The following KCNIP1 variants were observed in gnomAD, a reference collection of about 807,000 sequenced individuals.
KCNIP1 encodes the protein potassium voltage-gated channel interacting protein 1.
KCNIP1 carries 18 observed loss-of-function variants against 33.0 expected under a neutral mutation model. The observed-to-expected ratio is 0.55, with a 90% confidence interval of 0.38 to 0.81. KCNIP1 has a LOEUF of 0.81. KCNIP1 is among the 30% of genes least tolerant of loss of function. The pLI, the probability that KCNIP1 is intolerant of heterozygous loss-of-function variation, is 0.00. For missense variants in KCNIP1, 238 were observed against 271.6 expected, an observed-to-expected ratio of 0.88 and a Z score of 0.87; for synonymous variants, 93 against 98.3, an observed-to-expected ratio of 0.95 and a Z score of 0.32.
chr5:170,632,957 A>G (rs141509162), intron 1 of KCNIP1, among the ~76,000 whole-genome samples: 110 of 149,742 alleles, frequency 7.3e-4, no homozygotes, highest in African/African-American at 2.6e-3. Context: ...TTGGGGCTTG[A>G]GCACGGGTTG....
intron 1 of KCNIP1, among the ~76,000 whole-genome samples, chr5:170,479,839 C>T (rs866968681): frequency 7.9e-5 from 12 of 152,212 alleles, no homozygotes; most frequent in African/African-American, 2.4e-4. Context: ...GAATTTTATA[C>T]ATCTATTAAA....
At chr5:170,708,130 C>G (rs1253802361) in intron 1 of KCNIP1, among the ~76,000 whole-genome samples, 1 of 152,176 alleles carries the variant, frequency 6.6e-6, no homozygotes, top group Non-Finnish European at 1.5e-5. Flanking sequence ...AGACTTAAAG[C>G]TGAAGGACCA....
At chr5:170,431,851 CTCCA>C (rs1201945288) in intron 1 of KCNIP1, among the ~76,000 whole-genome samples, 1 of 152,222 alleles carries the variant, frequency 6.6e-6, no homozygotes, top group East Asian at 1.9e-4. Flanking sequence ...GGCCTTTTCC[CTCCA>C]GACTTCCTTC....
chr5:170,555,316 G>A (rs1023240980), intron 1 of KCNIP1, among the ~76,000 whole-genome samples: 6 of 152,168 alleles, frequency 3.9e-5, no homozygotes, highest in African/African-American at 1.4e-4. Context: ...GAAGGAATGA[G>A]GTGGGCACCA....
chr5:170,696,344 G>A (rs2113826340), intron 1 of KCNIP1, among the ~76,000 whole-genome samples: 1 of 124,120 alleles, frequency 8.1e-6, no homozygotes, highest in Non-Finnish European at 1.6e-5. Flanking sequence ...CCTAAGCCTG[G>A]CACAGAGTAG....
At chr5:170,639,210 C>T (rs897066014) in intron 1 of KCNIP1, 3 of 152,230 alleles carry the variant, frequency 2.0e-5, no homozygotes, top group African/African-American at 7.2e-5. Flanking sequence ...TTCGACTCTG[C>T]TTAGAGTTAC....
chr5:170,504,042 A>T lies in KCNIP1; in HGVS notation c.-531A>T, dbSNP rs1754598852. On this transcript the variant is annotated 5_prime_UTR_variant, in exon 1 of 8. Coordinates refer to ENST00000328939, the MANE Select transcript of KCNIP1 (RefSeq NM_014592.4). The surrounding 1 kb of genome is among the most constrained non-coding windows in gnomAD (Gnocchi z 6.0). ...TCCGACTCTCGCCCCGAGCGCTGGCAGCAGGCAGCAGGCAGCAGGCGGGCG... is the reference window on the plus strand; with the variant it reads ...TCCGACTCTCGCCCCGAGCGCTGGCTGCAGGCAGCAGGCAGCAGGCGGGCG... 1.0e-6 allele frequency: 1 copy of T among 980,918 alleles called. No homozygotes were observed. Among genetic ancestry groups the T allele is most frequent in the South Asian group, 5.0e-5 (1 of 19,868 alleles). 60.8% of individuals were successfully genotyped at this position (980,918 alleles called of 1,614,324 possible).
intron 1 of KCNIP1, among the ~76,000 whole-genome samples, chr5:170,390,517 A>AAAAAAAAAAATATATATATATATATATAT: frequency 2.7e-5 from 2 of 74,544 alleles, no homozygotes; most frequent in African/African-American, 6.4e-5. Flanking sequence ...AAAAAAAACA[A>AAAAAAAAAAATATATATATATATATATAT]ATATATATAT....
chr5:170,671,216 C>T (rs1175977974), intron 1 of KCNIP1, among the ~76,000 whole-genome samples: 1 of 152,192 alleles, frequency 6.6e-6, no homozygotes, highest in East Asian at 1.9e-4. Context: ...TTAACACGGT[C>T]TACAATATTC....
chr5:170,391,880 A>G (rs1358098409), intron 1 of KCNIP1, among the ~76,000 whole-genome samples: 1 of 152,200 alleles, frequency 6.6e-6, no homozygotes, highest in African/African-American at 2.4e-5. Context: ...TGTCCTTTCC[A>G]AAGATGGTCA....
chr5:170,638,625 G>T (rs1012671921), intron 1 of KCNIP1, among the ~76,000 whole-genome samples: 8 of 152,138 alleles, frequency 5.3e-5, no homozygotes, highest in African/African-American at 1.9e-4. Context: ...GTTGTCCTCA[G>T]CCTCCCTGCT....
chr5:170,467,917 C>CAAAA (rs55671124), intron 1 of KCNIP1, among the ~76,000 whole-genome samples: 873 of 41,686 alleles, frequency 0.021, 22 homozygotes, highest in African/African-American at 0.063. Context: ...GATTCCATCT[C>CAAAA]AAAAAAAAAA....
intron 1 of KCNIP1, among the ~76,000 whole-genome samples, chr5:170,588,156 C>G (rs11134639): frequency 0.025 from 3,800 of 152,218 alleles, 71 homozygotes; most frequent in Middle Eastern, 0.041. Flanking sequence ...CAGGGAGGTA[C>G]CCAAGAAAGC....
chr5:170,409,881 G>A (rs886538824), intron 1 of KCNIP1, among the ~76,000 whole-genome samples: 4 of 152,210 alleles, frequency 2.6e-5, no homozygotes, highest in Non-Finnish European at 5.9e-5. Context: ...CATTCAAGGG[G>A]TTAATACCCA....
chr5:170,471,462 G>GGC (rs1756725374), intron 1 of KCNIP1, among the ~76,000 whole-genome samples: 1 of 152,170 alleles, frequency 6.6e-6, no homozygotes, highest in Non-Finnish European at 1.5e-5. Flanking sequence ...TCCCTTCAAG[G>GGC]GCGAGGGTAG....
intron 1 of KCNIP1, among the ~76,000 whole-genome samples, chr5:170,649,075 C>A (rs1272827933): frequency 6.6e-6 from 1 of 152,100 alleles, no homozygotes; most frequent in Non-Finnish European, 1.5e-5. Context: ...AATTGGTATA[C>A]CTACTTTGTA....
intron 1 of KCNIP1, among the ~76,000 whole-genome samples, chr5:170,462,889 T>C (rs1275547841): frequency 1.3e-5 from 2 of 152,190 alleles, no homozygotes; most frequent in Non-Finnish European, 2.9e-5. Context: ...AATCATCATA[T>C]GTTCTCATTC....
exon 1 of KCNIP1, chr5:170,353,713 G>A (rs1256846693): frequency 6.2e-6 from 4 of 640,472 alleles, no homozygotes; most frequent in Non-Finnish European, 8.2e-6. Context: ...GCAGAAGCCA[G>A]ACTCGCTGCA....
At chr5:170,520,086 A>T (rs1755304976) in intron 1 of KCNIP1, among the ~76,000 whole-genome samples, 1 of 152,132 alleles carries the variant, frequency 6.6e-6, no homozygotes, top group Non-Finnish European at 1.5e-5. Flanking sequence ...GAGTTCCTTA[A>T]AGGGTGTTTG....
Sources: allele counts gnomAD v4.1 joint callset (sites outside exome capture counted in the v4.1 genomes callset), GRCh38; gene constraint gnomAD v4.1.1; non-coding constraint Gnocchi (gnomAD v3.1); transcripts MANE v1.5; gene names NCBI Gene and HGNC (gene_info 2026-07-23, HGNC 2026-07-21).